Variants in LRRC43 observed in about 807,000 individuals in gnomAD.
LRRC43 encodes leucine-rich repeat-containing protein 43.
LRRC43 carries 62 observed loss-of-function variants against 64.3 expected under a neutral mutation model. The ratio of observed to expected loss-of-function variants is 0.96; its 90% CI spans 0.79 to 1.19. The LOEUF (loss-of-function observed/expected upper bound fraction) is 1.19. LRRC43 is among the 50% of genes most tolerant of loss of function. The pLI, the probability that LRRC43 is intolerant of heterozygous loss-of-function variation, is 0.00. For missense variants in LRRC43, 868 were observed against 845.0 expected, an observed-to-expected ratio of 1.03 and a Z score of -0.34; for synonymous variants, 422 against 382.3, an observed-to-expected ratio of 1.10 and a Z score of -1.21.
Position 122,190,386 on chromosome 12 carries a change from C to A in LRRC43, c.901+18C>A. On this transcript the variant is annotated intron_variant, in intron 5 of 11. Coordinates refer to ENST00000339777, the MANE Select transcript of LRRC43 (RefSeq NM_001098519.2). ...CAATGGCGGTGAGGGTACTGGCATG[C>A]AGGGAGGGGGTGGCATGTGACACCC... 1 of 1,592,374 alleles carries A rather than the reference C, an allele frequency of 6.3e-7. No homozygotes were observed. The highest frequency in any genetic ancestry group is 1.1e-5 in the South Asian group (1 of 89,986).
chr12:122,200,408 C>T lies in LRRC43; in HGVS notation c.1491+78C>T, dbSNP rs1953822539. On this transcript the variant is annotated intron_variant, in intron 8 of 11. Coordinates refer to ENST00000339777, the MANE Select transcript of LRRC43 (RefSeq NM_001098519.2). The surrounding 1 kb of genome is among the most constrained non-coding windows in gnomAD (Gnocchi z 4.6). The stretch of plus-strand genomic sequence containing the variant: ...GTTCCTGTTCCCATCGGGCTGTCCC[C>T]CATGGGAGCCGCACTCCCTGGTTAG... The T allele has an allele frequency of 6.2e-7, 1 of 1,607,678 alleles. No homozygotes were observed. The highest frequency in any genetic ancestry group is 1.3e-5 in the African/African-American group (1 of 74,794).
At chr12:122,187,995 C>A in intron 4 of LRRC43, 155 bp downstream of exon 4, 1 of 720,226 alleles carries the variant, frequency 1.4e-6, no homozygotes, top group Non-Finnish European at 2.2e-6. Context: ...TCTGAATCCC[C>A]CTTCAGTGGG....
intron 1 of LRRC43, chr12:122,174,037 G>T (rs1433517163): frequency 1.2e-6 from 2 of 1,613,248 alleles, no homozygotes; most frequent in African/African-American, 2.7e-5. Flanking sequence ...ACACACCCCT[G>T]CCCACCCTGG....
At chr12:122,172,169 C>T (rs2136017246) in intron 1 of LRRC43, 1 of 441,162 alleles carries the variant, frequency 2.3e-6, no homozygotes, top group Non-Finnish European at 4.1e-6. Flanking sequence ...ATAAGTAAGA[C>T]TTAAGCCTGC....
intron 1 of LRRC43, among the ~76,000 whole-genome samples, chr12:122,169,715 C>CAAAAAAAA (rs1156784202): frequency 2.0e-5 from 1 of 49,424 alleles, no homozygotes; most frequent in Non-Finnish European, 4.3e-5. Flanking sequence ...GACTCCGTCT[C>CAAAAAAAA]AAAAAAAAAA....
At chr12:122,187,944 A>T in intron 4 of LRRC43, 104 bp downstream of exon 4, 2 of 1,169,324 alleles carry the variant, frequency 1.7e-6, no homozygotes, top group East Asian at 2.5e-5. Context: ...CTTTTTTGTA[A>T]CTCCCAGTTG....
At chr12:122,201,060 C>T (rs1953833538) in intron 10 of LRRC43, 126 bp downstream of exon 10, 21 of 1,253,388 alleles carry the variant, frequency 1.7e-5, no homozygotes, top group Non-Finnish European at 2.0e-5. Context: ...AGGGCCTTTC[C>T]CTGGGGCATG....
intron 3 of LRRC43, 97 bp from the exon 4 acceptor site, chr12:122,187,604 A>T: frequency 1.8e-6 from 2 of 1,135,750 alleles, no homozygotes; most frequent in Non-Finnish European, 2.5e-6. Flanking sequence ...GTAGTTTGTG[A>T]TTCCTCTACT....
chr12:122,169,276 A>G (rs894234653), intron 1 of LRRC43, among the ~76,000 whole-genome samples: 5 of 152,164 alleles, frequency 3.3e-5, no homozygotes, highest in Non-Finnish European at 5.9e-5. Flanking sequence ...AGATTCTTTG[A>G]GGCTATGCAG....
At chr12:122,192,674 G>C in intron 6 of LRRC43, 71 bp from the exon 7 acceptor site, 1 of 1,555,846 alleles carries the variant, frequency 6.4e-7, no homozygotes, top group Non-Finnish European at 8.8e-7. Context: ...CTGTGTTACA[G>C]ACACCCCCGG....
intron 3 of LRRC43, among the ~76,000 whole-genome samples, chr12:122,186,521 T>G (rs1953646610): frequency 2.0e-5 from 3 of 152,188 alleles, no homozygotes; most frequent in Admixed American, 2.0e-4. Context: ...AAGACAGGGA[T>G]TTAGCCAGAT....
At chr12:122,188,273 A>ATT (rs1953671140) in intron 4 of LRRC43, among the ~76,000 whole-genome samples, 1 of 151,678 alleles carries the variant, frequency 6.6e-6, no homozygotes, top group South Asian at 2.1e-4. Flanking sequence ...TGCCCGGCTA[A>ATT]TTATTTTGTA....
intron 6 of LRRC43, among the ~76,000 whole-genome samples, chr12:122,192,281 C>T (rs565161349): frequency 6.6e-6 from 1 of 152,284 alleles, no homozygotes; most frequent in Non-Finnish European, 1.5e-5. Context: ...GGATTACAGG[C>T]TCGCGCCACC....
rs575223872 is a variant in LRRC43 at position 122,169,452 on chromosome 12, A to G, written c.-406+1670A>G. On this transcript the variant is annotated intron_variant, in intron 1 of 5. Coordinates refer to the LRRC43 transcript ENST00000537729. ...GAATTCTAGTTGGGCGCAGTGGCTCATTCCTGTAATTCCAGCACTTTGGGA... is the reference window on the plus strand; with the variant it reads ...GAATTCTAGTTGGGCGCAGTGGCTCGTTCCTGTAATTCCAGCACTTTGGGA... Among the ~76,000 whole-genome samples the G allele has an allele frequency of 3.1e-3, 477 of 152,278 alleles. 4 individuals carry two copies. The highest frequency in any genetic ancestry group is 0.011 in the African/African-American group (454 of 41,560).
chr12:122,202,206 T>G (rs1007347990), intron 11 of LRRC43: 3 of 116,410 alleles, frequency 2.6e-5, no homozygotes, highest in Non-Finnish European at 5.1e-5. Context: ...CTTAAAAAGG[T>G]TTTTTTTTTT....
intron 10 of LRRC43, 141 bp downstream of exon 10, chr12:122,201,075 T>TGGGCTGCTG: frequency 8.6e-7 from 1 of 1,165,366 alleles, no homozygotes; most frequent in East Asian, 2.4e-5. Context: ...GGCATGCAGC[T>TGGGCTGCTG]GGGCTGCTGG....
At chr12:122,189,763 T>G (rs1953692580) in intron 4 of LRRC43, among the ~76,000 whole-genome samples, 1 of 152,180 alleles carries the variant, frequency 6.6e-6, no homozygotes, top group Non-Finnish European at 1.5e-5. Flanking sequence ...ACGGTGGCTG[T>G]CCCCTGCTGT....
chr12:122,169,718 A>G (rs1436419466), intron 1 of LRRC43, among the ~76,000 whole-genome samples: 4 of 144,872 alleles, frequency 2.8e-5, no homozygotes, highest in Non-Finnish European at 1.5e-5. Flanking sequence ...TCCGTCTCAA[A>G]AAAAAAAAAA....
Position 122,200,132 on chromosome 12 carries a change from TCCCTGGCCACAGCCCCTGGGTGACGGCAC to T in LRRC43, c.1350-53_1350-25del. On this transcript the variant is annotated intron_variant, in intron 7 of 11. Coordinates refer to ENST00000339777, the MANE Select transcript of LRRC43 (RefSeq NM_001098519.2). The surrounding 1 kb of genome is among the most constrained non-coding windows in gnomAD (Gnocchi z 4.6). ...TGTCCCCTCACAGTCCTGTCCCGGG[TCCCTGGCCACAGCCCCTGGGTGACGGCAC>T]CCCCGTCTTCATCCCTCCCTCCCCA... The T allele has an allele frequency of 6.3e-7, 1 of 1,583,990 alleles. No individual in the cohort carries two copies.
Sources: gnomAD v4.1 joint callset for allele counts (sites outside exome capture counted in the v4.1 genomes callset) on GRCh38, gnomAD v4.1.1 for gene constraint, Gnocchi (gnomAD v3.1) non-coding constraint, MANE v1.5 for transcripts, NCBI Gene and HGNC (gene_info 2026-07-23, HGNC 2026-07-21) for gene names.